The following PATZ1 variants were observed in gnomAD, a reference collection of about 807,000 sequenced individuals.
PATZ1 encodes POZ-, AT hook-, and zinc finger-containing protein 1.
A neutral mutation model predicts 46.2 loss-of-function variants in PATZ1; 9 were observed. That is an observed-to-expected ratio of 0.19 (90% confidence interval 0.12 to 0.34). The LOEUF is 0.34. PATZ1 is among the 10% of genes least tolerant of loss of function. The pLI is 1.00. For synonymous variants in PATZ1, 426 were observed against 378.6 expected, an observed-to-expected ratio of 1.13 and a Z score of -1.45; for missense variants, 632 against 923.0, an observed-to-expected ratio of 0.68 and a Z score of 4.08.
intron 2 of PATZ1, among the ~76,000 whole-genome samples, chr22:31,340,384 G>A (rs1047577741): frequency 2.6e-5 from 4 of 152,240 alleles, no homozygotes; most frequent in Admixed American, 6.5e-5. Flanking sequence ...AACTCCCAGA[G>A]AGCCGTCTCT....
Position 31,328,755 on chromosome 22 carries a change from A to G in PATZ1, c.1645+32T>C. ...CGCCCCCACAACACAGTCTGCGCAG[A>G]GAAGCAAAGTGCAGAGCAAGGGGTC... On this transcript the variant is annotated intron_variant, in intron 4 of 4. Transcript: ENST00000266269. This position sits in a 1 kb window ranked among gnomAD's most constrained non-coding sequence, Gnocchi z 4.8. 1 of 1,607,108 alleles carries G rather than the reference A, an allele frequency of 6.2e-7. No homozygotes were observed. Among genetic ancestry groups the G allele is most frequent in the Non-Finnish European group, 8.5e-7 (1 of 1,175,318 alleles).
intron 3 of PATZ1, among the ~76,000 whole-genome samples, chr22:31,331,342 T>TC (rs1241273520): frequency 7.2e-6 from 1 of 138,000 alleles, no homozygotes; most frequent in Non-Finnish European, 1.5e-5. Flanking sequence ...GGTAATTTTT[T>TC]CCTTTTTTTT....
In PATZ1 at chr22:31,345,272, A is replaced by G. The variant is rs537192097; in HGVS notation, c.331T>C (p.Ser111Pro). 11 of 1,612,836 alleles carry G rather than the reference A, an allele frequency of 6.8e-6. No individual in the cohort carries two copies. The Admixed American group carries it at 1.0e-4, about 15-fold the overall frequency. Residue 111 changes from serine to proline, a missense_variant, in exon 1 of 5, where the codon TCC (serine) becomes CCC (proline). Ser to Pro is a moderately conservative substitution (Grantham distance 74). Transcript: ENST00000266269. This position sits in a 1 kb window ranked among gnomAD's most constrained non-coding sequence, Gnocchi z 7.4. ...TCCAGAATGTCCCCAAATACCTTGG[A>G]GCTGATAGTGTGCATCTCCAGCTCC... is the stretch of plus-strand genomic sequence containing the variant. ...SRELEMHTISSKVFGDILDFA... is the reference protein window; with the variant it reads ...SRELEMHTISPKVFGDILDFA...
At chr22:31,341,492 G>A (rs372662856) in intron 2 of PATZ1, 1 of 1,613,830 alleles carries the variant, frequency 6.2e-7, no homozygotes, top group Admixed American at 1.7e-5. Flanking sequence ...CTGGGCAGAA[G>A]AGAGTGTTGC....
At position 31,331,901 on chromosome 22, in the gene PATZ1, G is replaced by C. The variant is rs529832978; in HGVS notation, c.1508-2977C>G. Among the ~76,000 whole-genome samples the C allele has an allele frequency of 3.8e-4, 58 of 152,212 alleles. 1 individual carries two copies. In the South Asian group the frequency reaches 0.012, roughly 31 times the overall value. On this transcript the variant is annotated intron_variant, in intron 3 of 4. Coordinates refer to ENST00000266269, the MANE Select transcript of PATZ1 (RefSeq NM_014323.3). ...CGAGGCAGGCAGATCACCTGAGGTT[G>C]GGAGTTCCGGACCAGCCTGACCAAC... is the stretch of plus-strand genomic sequence containing the variant.
intron 2 of PATZ1, among the ~76,000 whole-genome samples, chr22:31,337,105 G>A (rs560082059): frequency 7.9e-5 from 12 of 151,736 alleles, no homozygotes; most frequent in African/African-American, 2.7e-4. Context: ...GCAAGACTCC[G>A]TCTCAAAAAA....
intron 1 of PATZ1, chr22:31,343,403 G>A (rs2049607959): frequency 1.1e-5 from 11 of 988,624 alleles, no homozygotes; most frequent in Non-Finnish European, 1.3e-5. Flanking sequence ...AATGCCACCC[G>A]GATGGAATTC....
At chr22:31,329,122 C>T (rs2049405595) in intron 3 of PATZ1, among the ~76,000 whole-genome samples, 198 bp from the exon 4 acceptor site, 3 of 152,192 alleles carry the variant, frequency 2.0e-5, no homozygotes, top group South Asian at 4.1e-4. Flanking sequence ...GTCCACAAAT[C>T]GGCTTCTCTG....
At chr22:31,329,467 G>A (rs2049410152) in intron 3 of PATZ1, among the ~76,000 whole-genome samples, 1 of 152,174 alleles carries the variant, frequency 6.6e-6, no homozygotes, top group African/African-American at 2.4e-5. Context: ...GTCAGGAGAT[G>A]TTCTATTTTT....
intron 3 of PATZ1, among the ~76,000 whole-genome samples, chr22:31,331,899 T>C (rs561174385): frequency 1.3e-5 from 2 of 152,120 alleles, no homozygotes; most frequent in African/African-American, 2.4e-5. Flanking sequence ...TCACCTGAGG[T>C]TGGGAGTTCC....
chr22:31,345,613 C>T lies in PATZ1; in HGVS notation c.-11G>A, dbSNP rs773311781. The T allele has an allele frequency of 7.0e-6, 11 of 1,580,776 alleles. No homozygotes were observed. In the Admixed American group the frequency reaches 1.9e-4, roughly 27 times the overall value. ...GTTCACCCGCTCCATGGCCGCCGCC[C>T]CCTCCCACTAGCCCGGCCGCTGCAC... On this transcript the variant is annotated 5_prime_UTR_variant, in exon 1 of 5. Coordinates refer to ENST00000266269, the MANE Select transcript of PATZ1 (RefSeq NM_014323.3). The surrounding 1 kb of genome is among the most constrained non-coding windows in gnomAD (Gnocchi z 7.4).
chr22:31,327,390 C>A lies in PATZ1; in HGVS notation c.1646-81G>T. ...TCCTGGAGGGGTCATGAGGGGCCAG[C>A]TCACAGACCTGTGGAGGGCAGCCAT... is the stretch of plus-strand genomic sequence containing the variant. On this transcript the variant is annotated intron_variant, in intron 4 of 4. Transcript: ENST00000266269. The surrounding 1 kb of genome is among the most constrained non-coding windows in gnomAD (Gnocchi z 4.2). 1 of 1,198,406 alleles carries A rather than the reference C, an allele frequency of 8.3e-7. No individual in the cohort carries two copies. Among genetic ancestry groups the A allele is most frequent in the South Asian group, 1.4e-5 (1 of 70,978 alleles). The allele number at this position is 1,198,406 out of a possible 1,614,324, so 74.2% of individuals were successfully genotyped here. A position where few individuals can be genotyped will look rare whatever the true frequency, so the allele number is the denominator to read the frequency against.
chr22:31,345,705 A>C lies in PATZ1; in HGVS notation c.-103T>G, dbSNP rs2049646092. ...CGCAGCAGACGTGTCCACACTCCCC[A>C]CACGTGCCGGCCCGAGGCTCTGTAG... On this transcript the variant is annotated 5_prime_UTR_variant, in exon 1 of 5. Transcript: ENST00000266269. The surrounding 1 kb of genome is among the most constrained non-coding windows in gnomAD (Gnocchi z 7.4). 5 of 1,161,000 alleles carry C rather than the reference A, an allele frequency of 4.3e-6. No homozygotes were observed. The highest frequency in any genetic ancestry group is 5.9e-6 in the Non-Finnish European group (5 of 848,450). The allele number at this position is 1,161,000 out of a possible 1,614,324, so 71.9% of individuals were successfully genotyped here.
intron 1 of PATZ1, among the ~76,000 whole-genome samples, chr22:31,343,885 T>C (rs1025911932): frequency 6.6e-6 from 1 of 152,104 alleles, no homozygotes; most frequent in African/African-American, 2.4e-5. Context: ...CAGTGTTCTG[T>C]GTTGGGGAAT....
chr22:31,343,558 T>A, intron 1 of PATZ1: 1 of 403,900 alleles, frequency 2.5e-6, no homozygotes, highest in Non-Finnish European at 3.4e-6. Context: ...CATCCCTGTG[T>A]TCACACACAC....
Position 31,328,843 on chromosome 22 carries a change from T to A in PATZ1, c.1589A>T (p.Glu530Val). The change falls in exon 4 of 5, where the codon GAG (glutamate) becomes GTG (valine). Residue 530 changes from glutamate (E) to valine (V), a missense_variant. Around this residue, in one of 7 missense-constraint regions of PATZ1, gnomAD observed 176 missense variants for 249.4 expected, o/e 0.71. Coordinates refer to ENST00000266269, the MANE Select transcript of PATZ1 (RefSeq NM_014323.3). The surrounding 1 kb of genome is among the most constrained non-coding windows in gnomAD (Gnocchi z 4.8). ...CGCTGCTCCCCCATTCAGGATGGGCTCCTGGTGCCTGGAGACCTGGGGAAG... is the reference window on the plus strand; with the variant it reads ...CGCTGCTCCCCCATTCAGGATGGGCACCTGGTGCCTGGAGACCTGGGGAAG... ...VPLPQVSRHQ[E>V]PILNGGAAFH... 6.2e-7 allele frequency: 1 copy of A among 1,613,796 alleles called. No homozygotes were observed.
At chr22:31,342,767 C>T (rs185273954) in intron 2 of PATZ1, 130 bp downstream of exon 2, 9,844 of 867,144 alleles carry the variant, frequency 0.011, 81 homozygotes, top group Non-Finnish European at 0.014. Context: ...GGTGGAGGAA[C>T]AGAGGGGAGG....
intron 1 of PATZ1, 81 bp from the exon 2 acceptor site, chr22:31,343,041 C>G (rs1443913662): frequency 1.3e-6 from 2 of 1,552,528 alleles, no homozygotes; most frequent in East Asian, 4.7e-5. Context: ...CGTGTGTACA[C>G]ACACACACAC....
intron 2 of PATZ1, among the ~76,000 whole-genome samples, chr22:31,337,439 G>C (rs536267081): frequency 7.2e-5 from 11 of 152,310 alleles, no homozygotes; most frequent in African/African-American, 2.6e-4. Context: ...GGCACTTCCT[G>C]TACCTGAGCA....
Sources: gnomAD v4.1 joint callset for allele counts (sites outside exome capture counted in the v4.1 genomes callset) on GRCh38, gnomAD v4.1.1 for gene constraint, gnomAD v4.1.1 regional missense constraint, Gnocchi (gnomAD v3.1) non-coding constraint, MANE v1.5 for transcripts, NCBI Gene and HGNC (gene_info 2026-07-23, HGNC 2026-07-21) for gene names.